Variants in GPT2 observed in about 807,000 individuals in gnomAD.
The protein encoded by GPT2 is glutamic--pyruvic transaminase 2, also known as alanine aminotransferase 2.
GPT2 carries 30 observed loss-of-function variants against 56.9 expected under a neutral mutation model. The observed-to-expected ratio is 0.53, with a 90% CI of 0.39 to 0.72. The LOEUF (loss-of-function observed/expected upper bound fraction) is 0.72, where lower values mean the gene tolerates loss of function less well. Among genes scored for constraint, GPT2 ranks in the 30% least tolerant of loss-of-function variants. The probability of loss-of-function intolerance (pLI) is 0.00; values close to 1 mark genes in which losing one functional copy is unlikely to be tolerated. For missense variants in GPT2, 542 were observed against 703.4 expected, an observed-to-expected ratio of 0.77 and a Z score of 2.60; for synonymous variants, 271 against 283.1, an observed-to-expected ratio of 0.96 and a Z score of 0.43.
At chr16:46,900,385 C>A (rs193165338) in intron 3 of GPT2, among the ~76,000 whole-genome samples, 2 of 152,170 alleles carry the variant, frequency 1.3e-5, no homozygotes, top group Non-Finnish European at 2.9e-5. Context: ...TGTGAGCCCA[C>A]TGTCCCTAGC....
At position 46,928,991 on chromosome 16, in the gene GPT2, C is replaced by T. The variant is rs771131081; in HGVS notation, c.1566C>T (p.Tyr522=). ...TCCACATCAACTTCCTGGAGAAGTA[C>T]GCGTGAGGACGCCTGAGCCCCAGCG... ...KDFHINFLEK[Y]A is the part of the protein sequence containing the mutation. The change falls in exon 12 of 12, where the codon TAC becomes TAT. Residue 522 remains tyrosine, a synonymous_variant. Coordinates refer to ENST00000340124, the MANE Select transcript of GPT2 (RefSeq NM_133443.4). The T allele has an allele frequency of 1.9e-5, 30 of 1,613,264 alleles. No homozygotes were observed. The highest frequency in any genetic ancestry group is 9.9e-5 in the South Asian group (9 of 91,062).
intron 2 of GPT2, among the ~76,000 whole-genome samples, chr16:46,891,277 C>T (rs1229944680): frequency 6.6e-6 from 1 of 150,994 alleles, no homozygotes; most frequent in Non-Finnish European, 1.5e-5. Context: ...GAGTCTCGCT[C>T]TGTTGCCCAG....
intron 3 of GPT2, among the ~76,000 whole-genome samples, chr16:46,899,010 T>TA (rs1337440608): frequency 5.3e-3 from 11 of 2,078 alleles, no homozygotes; most frequent in Non-Finnish European, 6.9e-3. Context: ...TATATATATA[T>TA]ATATATATAT....
In GPT2 at chr16:46,929,044, A is replaced by G; in HGVS notation, c.*47A>G. On this transcript the variant is annotated 3_prime_UTR_variant, in exon 12 of 12. Coordinates refer to ENST00000340124, the MANE Select transcript of GPT2 (RefSeq NM_133443.4). ...AGACCTGTCCTTGGCTCTTCCTCCC[A>G]ATGCCCGTCAGGCTGAACTCGCCTC... 6.8e-7 allele frequency: 1 copy of G among 1,471,350 alleles called. No individual in the cohort carries two copies. The highest frequency in any genetic ancestry group is 9.5e-7 in the Non-Finnish European group (1 of 1,050,662). 91.1% of individuals were successfully genotyped at this position (1,471,350 alleles called of 1,614,324 possible). A position where few individuals can be genotyped will look rare whatever the true frequency, so the allele number is the denominator to read the frequency against.
In GPT2 at chr16:46,918,804, C is replaced by T. The variant is rs759783389; in HGVS notation, c.1037+47C>T. The T allele has an allele frequency of 1.9e-6, 3 of 1,604,860 alleles. No homozygotes were observed. The East Asian group carries it at 6.7e-5, about 36-fold the overall frequency. On this transcript the variant is annotated intron_variant, in intron 8 of 11. Coordinates refer to ENST00000340124, the MANE Select transcript of GPT2 (RefSeq NM_133443.4). ...CTGCCACTGCTGGGCCTGCCAGATCCTCACGCTGCCGGCTCCTCTGCCCTG... is the reference window on the plus strand; with the variant it reads ...CTGCCACTGCTGGGCCTGCCAGATCTTCACGCTGCCGGCTCCTCTGCCCTG...
chr16:46,922,947 G>A (rs1261871135), intron 9 of GPT2, among the ~76,000 whole-genome samples: 1 of 152,050 alleles, frequency 6.6e-6, no homozygotes, highest in African/African-American at 2.4e-5. Context: ...ACATAAAGTC[G>A]ACCTTTTTAA....
chr16:46,919,220 T>TA (rs1262179442), intron 8 of GPT2, among the ~76,000 whole-genome samples: 3 of 152,170 alleles, frequency 2.0e-5, no homozygotes, highest in African/African-American at 4.8e-5. Context: ...ACTGAGCACT[T>TA]ACGATGAGTC....
At chr16:46,907,084 G>A (rs1960946243) in intron 5 of GPT2, 109 bp downstream of exon 5, 1 of 1,457,798 alleles carries the variant, frequency 6.9e-7, no homozygotes, top group Admixed American at 1.8e-5. Context: ...TGGCAGCACG[G>A]GTGGCCACCC....
intron 2 of GPT2, among the ~76,000 whole-genome samples, chr16:46,892,625 AAGT>A (rs1960606728): frequency 6.6e-6 from 1 of 152,212 alleles, no homozygotes; most frequent in Admixed American, 6.5e-5. Flanking sequence ...CCATGCTAAC[AAGT>A]ATGAGATGAT....
intron 2 of GPT2, among the ~76,000 whole-genome samples, chr16:46,897,376 AAAAT>A (rs1449298641): frequency 6.6e-6 from 1 of 152,158 alleles, no homozygotes; most frequent in Non-Finnish European, 1.5e-5. Flanking sequence ...CTGTCTCAAA[AAAAT>A]AAAATTATGT....
intron 8 of GPT2, 70 bp downstream of exon 8, chr16:46,918,827 C>G (rs921940149): frequency 4.4e-6 from 7 of 1,576,176 alleles, no homozygotes; most frequent in Non-Finnish European, 6.0e-6. Context: ...CTCCTCTGCC[C>G]TGCCCCGTGG....
At chr16:46,894,092 C>T (rs966581589) in intron 2 of GPT2, among the ~76,000 whole-genome samples, 2 of 152,226 alleles carry the variant, frequency 1.3e-5, no homozygotes, top group Non-Finnish European at 2.9e-5. Flanking sequence ...GTGTCCTGAC[C>T]CCCAGCTCAT....
At chr16:46,918,496 G>A in intron 7 of GPT2, 125 bp from the exon 8 acceptor site, 1 of 1,091,612 alleles carries the variant, frequency 9.2e-7, no homozygotes, top group Non-Finnish European at 1.3e-6. Context: ...CCCTGGAATG[G>A]CACAGGAGGC....
intron 5 of GPT2, 66 bp from the exon 6 acceptor site, chr16:46,909,618 G>T: frequency 6.4e-7 from 1 of 1,568,260 alleles, no homozygotes; most frequent in South Asian, 1.2e-5. Context: ...GTGGGGCCAC[G>T]GGTGAAAGGC....
At chr16:46,926,366 T>G (rs1961412217) in intron 10 of GPT2, among the ~76,000 whole-genome samples, 1 of 151,930 alleles carries the variant, frequency 6.6e-6, no homozygotes, top group East Asian at 1.9e-4. Context: ...GGAGAATTGC[T>G]TGAACCCAGG....
At chr16:46,922,633 G>T (rs997229355) in intron 9 of GPT2, among the ~76,000 whole-genome samples, 2 of 152,206 alleles carry the variant, frequency 1.3e-5, no homozygotes, top group Non-Finnish European at 2.9e-5. Flanking sequence ...CTGTGAGTGT[G>T]TGTGGGCAGG....
intron 10 of GPT2, among the ~76,000 whole-genome samples, chr16:46,925,209 CTTGTTTTT>C (rs1404467746): frequency 2.1e-5 from 3 of 144,724 alleles, no homozygotes; most frequent in Non-Finnish European, 4.5e-5. Flanking sequence ...CACTGCCTGG[CTTGTTTTT>C]TTGTTTTTTG....
chr16:46,889,790 G>C (rs1960552800), intron 2 of GPT2, among the ~76,000 whole-genome samples: 1 of 152,194 alleles, frequency 6.6e-6, no homozygotes, highest in Non-Finnish European at 1.5e-5. Flanking sequence ...AAGCTAATTA[G>C]ACCTGCCAAG....
At chr16:46,909,096 C>T (rs368825964) in intron 5 of GPT2, among the ~76,000 whole-genome samples, 3 of 151,908 alleles carry the variant, frequency 2.0e-5, no homozygotes, top group African/African-American at 7.3e-5. Flanking sequence ...TTAAGAGTCC[C>T]CTGTTGGGGT....
Sources: gnomAD v4.1 joint callset for allele counts (sites outside exome capture counted in the v4.1 genomes callset) on GRCh38, gnomAD v4.1.1 for gene constraint, MANE v1.5 for transcripts, NCBI Gene and HGNC (gene_info 2026-07-23, HGNC 2026-07-21) for gene names.